MACROD2: variants seen among roughly 807,000 people sequenced by gnomAD.
MACROD2 encodes mono-ADP ribosylhydrolase 2.
In MACROD2, 36 loss-of-function variants were observed where a neutral mutation model predicts 70.4. The observed-to-expected ratio is 0.51, with a 90% CI of 0.39 to 0.68. The LOEUF is 0.68. Ranked by LOEUF, MACROD2 falls within the 30% of genes least tolerant of loss-of-function variation. The pLI is 0.00. For missense variants in MACROD2, 496 were observed against 538.4 expected, an observed-to-expected ratio of 0.92 and a Z score of 0.78; for synonymous variants, 172 against 178.8, an observed-to-expected ratio of 0.96 and a Z score of 0.30.
intron 8 of MACROD2, among the ~76,000 whole-genome samples, chr20:15,636,089 A>AAG (rs1555851922): frequency 1.5e-5 from 2 of 135,026 alleles, no homozygotes; most frequent in African/African-American, 2.7e-5. Context: ...AAAAAAAAAA[A>AAG]AAAGAAAGAA....
intron 8 of MACROD2, among the ~76,000 whole-genome samples, chr20:15,663,654 C>T (rs902755845): frequency 2.6e-5 from 4 of 151,906 alleles, no homozygotes; most frequent in African/African-American, 9.7e-5. Context: ...CTTGTACTAG[C>T]CAAACAAAAT....
intron 3 of MACROD2, among the ~76,000 whole-genome samples, chr20:14,346,860 A>G (rs1005453114): frequency 6.6e-6 from 1 of 152,188 alleles, no homozygotes; most frequent in African/African-American, 2.4e-5. Flanking sequence ...GGTGTGCCTC[A>G]TAAGTCTGAT....
chr20:15,317,190 G>C (rs1244238025), intron 6 of MACROD2, among the ~76,000 whole-genome samples: 1 of 151,836 alleles, frequency 6.6e-6, no homozygotes, highest in African/African-American at 2.4e-5. Context: ...TATTAAAAAA[G>C]GAAATAATAA....
intron 5 of MACROD2, among the ~76,000 whole-genome samples, chr20:15,031,717 G>A (rs925813553): frequency 5.3e-5 from 8 of 152,140 alleles, no homozygotes; most frequent in Admixed American, 4.6e-4. Flanking sequence ...TCAGAAGGGA[G>A]GAAGTGCATG....
chr20:15,052,297 G>A (rs1028733251), intron 5 of MACROD2, among the ~76,000 whole-genome samples: 13 of 152,198 alleles, frequency 8.5e-5, no homozygotes, highest in African/African-American at 2.9e-4. Flanking sequence ...TACAGGCATC[G>A]CTTGTTTTAT....
chr20:14,832,034 G>GTTT lies in MACROD2; in HGVS notation c.418+147099_418+147101dup, dbSNP rs1180071947. 1.6e-3 allele frequency among the ~76,000 whole-genome samples: 99 copies of GTTT among 63,678 alleles called. 10 individuals carry two copies. The highest frequency in any genetic ancestry group is 3.9e-3 in the African/African-American group (54 of 13,888). The allele number at this position is 63,678 out of a possible 152,430, so 41.8% of individuals were successfully genotyped here. A position where few individuals can be genotyped will look rare whatever the true frequency, so the allele number is the denominator to read the frequency against. ...GCACCTCGACTTCATGCCTTTGCGA[G>GTTT]TTTTTTTTTTTTTTTTTTTTTTTTT... On this transcript the variant is annotated intron_variant, in intron 5 of 17. Coordinates refer to ENST00000684519, the MANE Select transcript of MACROD2 (RefSeq NM_001351661.2).
intron 5 of MACROD2, among the ~76,000 whole-genome samples, chr20:14,764,848 T>C (rs1019037018): frequency 6.6e-6 from 1 of 152,134 alleles, no homozygotes; most frequent in Non-Finnish European, 1.5e-5. Flanking sequence ...TTATTTTTTT[T>C]CTCCACTTTT....
chr20:14,128,094 G>A (rs1180686728), intron 3 of MACROD2: 9 of 549,864 alleles, frequency 1.6e-5, no homozygotes, highest in Non-Finnish European at 2.2e-5. Flanking sequence ...TCAAGCAGTG[G>A]TCATGTGTGC....
At chr20:15,758,854 A>C (rs1311898761) in intron 8 of MACROD2, among the ~76,000 whole-genome samples, 1 of 151,204 alleles carries the variant, frequency 6.6e-6, no homozygotes, top group Non-Finnish European at 1.5e-5. Flanking sequence ...AATTCGGTTT[A>C]TTAAAGGACC....
At chr20:14,963,445 G>A (rs6043021) in intron 5 of MACROD2, among the ~76,000 whole-genome samples, 2,416 of 152,174 alleles carry the variant, frequency 0.016, 64 homozygotes, top group African/African-American at 0.053. Context: ...TGCTCAGACT[G>A]CCAGAGTCCC....
At chr20:14,624,919 C>T (rs1600471902) in intron 4 of MACROD2, among the ~76,000 whole-genome samples, 1 of 152,140 alleles carries the variant, frequency 6.6e-6, no homozygotes, top group African/African-American at 2.4e-5. Context: ...GAGAGGAAAT[C>T]CTCCCAAAGG....
At chr20:15,991,752 G>C (rs2066562061) in intron 15 of MACROD2, among the ~76,000 whole-genome samples, 1 of 152,086 alleles carries the variant, frequency 6.6e-6, no homozygotes, top group African/African-American at 2.4e-5. Flanking sequence ...TTCTAGGGCA[G>C]TTTTACCATT....
chr20:14,152,019 C>T (rs1280547318), intron 3 of MACROD2, among the ~76,000 whole-genome samples: 2 of 151,316 alleles, frequency 1.3e-5, no homozygotes, highest in Non-Finnish European at 2.9e-5. Context: ...GACAGGGTTT[C>T]ACTGTGTTAG....
In MACROD2 at chr20:14,922,010, C is replaced by G. The variant is rs549267750; in HGVS notation, c.418+237051C>G. On this transcript the variant is annotated intron_variant, in intron 5 of 17. Transcript: ENST00000684519. ...AAGGAGTAGTTCTTCTAATTATTTT[C>G]TGATTGCAGGATAGCCTTGTTGGAA... Among the ~76,000 whole-genome samples the G allele has an allele frequency of 2.0e-4, 31 of 152,220 alleles. No homozygotes were observed. In the South Asian group the frequency reaches 6.0e-3, roughly 30 times the overall value.
intron 7 of MACROD2, among the ~76,000 whole-genome samples, chr20:15,492,179 A>G (rs1464437431): frequency 6.6e-6 from 1 of 152,198 alleles, no homozygotes; most frequent in Non-Finnish European, 1.5e-5. Flanking sequence ...TGGTCTAGCA[A>G]GTGCTTAACG....
At chr20:14,953,093 A>C (rs984031336) in intron 5 of MACROD2, among the ~76,000 whole-genome samples, 1 of 152,100 alleles carries the variant, frequency 6.6e-6, no homozygotes, top group Non-Finnish European at 1.5e-5. Context: ...ATATCTAATA[A>C]ATAATAGACC....
At chr20:14,865,158 A>G (rs755854871) in intron 5 of MACROD2, among the ~76,000 whole-genome samples, 44 of 152,080 alleles carry the variant, frequency 2.9e-4, no homozygotes, top group Non-Finnish European at 5.0e-4. Context: ...AGTTGGGTCA[A>G]TGGTAGGCAT....
chr20:14,157,548 C>T (rs2055120454), intron 3 of MACROD2, among the ~76,000 whole-genome samples: 1 of 152,120 alleles, frequency 6.6e-6, no homozygotes, highest in South Asian at 2.1e-4. Context: ...TTCATCCCCC[C>T]TCCCACCCAC....
chr20:14,322,501 T>TA (rs2082673413), intron 3 of MACROD2, among the ~76,000 whole-genome samples: 1 of 151,666 alleles, frequency 6.6e-6, no homozygotes, highest in South Asian at 2.1e-4. Flanking sequence ...AACTATAGCT[T>TA]AAACTACTCA....
Sources: gnomAD v4.1 joint callset for allele counts (sites outside exome capture counted in the v4.1 genomes callset) on GRCh38, gnomAD v4.1.1 for gene constraint, MANE v1.5 for transcripts, NCBI Gene and HGNC (gene_info 2026-07-23, HGNC 2026-07-21) for gene names.